C1QTNF3: variants seen among roughly 807,000 people sequenced by gnomAD.
C1QTNF3 encodes the protein C1q and TNF related 3.
In C1QTNF3, 26 loss-of-function variants were observed where a neutral mutation model predicts 32.6. The ratio of observed to expected loss-of-function variants is 0.80; its 90% CI spans 0.58 to 1.11. The LOEUF (loss-of-function observed/expected upper bound fraction) is 1.11, where lower values mean the gene tolerates loss of function less well. Among genes scored for constraint, C1QTNF3 ranks in the 50% least tolerant of loss-of-function variants. C1QTNF3 has a pLI of 0.00. For missense variants in C1QTNF3, 362 were observed against 398.2 expected (o/e 0.91, Z 0.77); for synonymous variants, 155 against 146.0 (o/e 1.06, Z -0.44).
Position 34,019,842 on chromosome 5 carries a change from T to C in C1QTNF3, c.*741A>G, listed in dbSNP as rs1248213701. The C allele has an allele frequency of 6.6e-6, 1 of 152,226 alleles. No homozygotes were observed. Among genetic ancestry groups the C allele is most frequent in the Non-Finnish European group, 1.5e-5 (1 of 68,042 alleles). The allele number at this position is 152,226 out of a possible 1,614,324, so 9.4% of individuals were successfully genotyped here. A position where few individuals can be genotyped will look rare whatever the true frequency, so the allele number is the denominator to read the frequency against. ...AGATATAAAATCCCTCTGGTCAACA[T>C]GCAACATTTGAATATCTATTGGCAC... is the stretch of plus-strand genomic sequence containing the variant. On this transcript the variant is annotated 3_prime_UTR_variant, in exon 6 of 6. Transcript: ENST00000382065.
chr5:34,080,479 T>C, the C1QTNF3 span, among the ~76,000 whole-genome samples: 1 of 151,742 alleles, frequency 6.6e-6, no homozygotes, highest in African/African-American at 2.4e-5. Flanking sequence ...AATATGTACC[T>C]GTTAAATCTT....
At chr5:34,103,313 T>C in the C1QTNF3 span, among the ~76,000 whole-genome samples, 1 of 152,160 alleles carries the variant, frequency 6.6e-6, no homozygotes, top group Admixed American at 6.5e-5. Context: ...TTCTACTTTT[T>C]AGAGAGAAAG....
At chr5:34,123,218 A>T in the C1QTNF3 span, among the ~76,000 whole-genome samples, 1 of 152,152 alleles carries the variant, frequency 6.6e-6, no homozygotes, top group Non-Finnish European at 1.5e-5. Flanking sequence ...CAGCAGAGCC[A>T]TGGGGGCAAG....
the C1QTNF3 span, among the ~76,000 whole-genome samples, chr5:34,119,511 T>C: frequency 6.6e-6 from 1 of 152,134 alleles, no homozygotes; most frequent in Non-Finnish European, 1.5e-5. Flanking sequence ...ATTGCAGCTA[T>C]AAGCACTTAC....
Position 34,035,773 on chromosome 5 carries a change from A to G in C1QTNF3, c.304-15T>C. 6.3e-7 allele frequency: 1 copy of G among 1,594,272 alleles called. No individual in the cohort carries two copies. Among genetic ancestry groups the G allele is most frequent in the Non-Finnish European group, 8.6e-7 (1 of 1,164,996 alleles). ...GTTTGTGGAGACTAAAAAGACAGAA[A>G]GAGAAGCTTCAGAAAAAAAGGTACT... On this transcript the variant is annotated splice_polypyrimidine_tract_variant and intron_variant, in intron 1 of 5. Transcript: ENST00000382065.
chr5:34,236,465 T>C, the C1QTNF3 span, among the ~76,000 whole-genome samples: 1 of 151,454 alleles, frequency 6.6e-6, no homozygotes, highest in African/African-American at 2.4e-5. Context: ...TAATGTTCTA[T>C]AAATGAGACA....
chr5:34,114,547 A>G, the C1QTNF3 span, among the ~76,000 whole-genome samples: 1 of 152,126 alleles, frequency 6.6e-6, no homozygotes, highest in South Asian at 2.1e-4. Context: ...TGTAAAGCCT[A>G]TATTTCATAT....
the C1QTNF3 span, among the ~76,000 whole-genome samples, chr5:34,074,408 A>T: frequency 1.3e-5 from 2 of 151,748 alleles, no homozygotes; most frequent in Non-Finnish European, 2.9e-5. Flanking sequence ...CAATTGTCTA[A>T]GCCACAAAAT....
chr5:34,173,200 T>C, the C1QTNF3 span, among the ~76,000 whole-genome samples: 2 of 152,144 alleles, frequency 1.3e-5, no homozygotes, highest in Non-Finnish European at 2.9e-5. Context: ...AAAACTTATA[T>C]TAGATTTCCG....
chr5:34,059,161 G>A, the C1QTNF3 span, among the ~76,000 whole-genome samples: 1 of 152,118 alleles, frequency 6.6e-6, no homozygotes, highest in Non-Finnish European at 1.5e-5. Context: ...TCACAGTTTT[G>A]GGGGCTGGGA....
the C1QTNF3 span, among the ~76,000 whole-genome samples, chr5:34,142,002 A>C: frequency 2.6e-5 from 4 of 152,090 alleles, no homozygotes; most frequent in African/African-American, 9.7e-5. Flanking sequence ...CTACACTCAG[A>C]ATAGGTGGGG....
At chr5:34,241,091 C>G in the C1QTNF3 span, among the ~76,000 whole-genome samples, 29 of 147,432 alleles carry the variant, frequency 2.0e-4, no homozygotes, top group African/African-American at 7.0e-4. Context: ...AAAAACAAAA[C>G]AAAAAAAAAA....
chr5:34,204,082 TA>T, the C1QTNF3 span, among the ~76,000 whole-genome samples: 3 of 152,134 alleles, frequency 2.0e-5, no homozygotes, highest in Non-Finnish European at 4.4e-5. Context: ...TGGGAGACTT[TA>T]CCATCTCACT....
Position 34,035,686 on chromosome 5 carries a change from G to A in C1QTNF3, c.376C>T (p.Gln126Ter). ...CHGDYSFRGYQGPPGPPGPPG... is the reference protein window; with the variant it reads ...CHGDYSFRGY ...GGGCCCGGTGGCCCAGGGGGGCCTT[G>A]GTAGCCTCGAAAGCTGTAGTCTCCA... The change falls in exon 2 of 6, where the codon CAA (glutamine) becomes TAA (stop). Residue 126 changes from glutamine to a stop codon, truncating the protein, a stop_gained. Transcript: ENST00000382065. LOFTEE classifies it high-confidence loss of function. The A allele has an allele frequency of 6.2e-7, 1 of 1,611,690 alleles. No homozygotes were observed. The highest frequency in any genetic ancestry group is 8.5e-7 in the Non-Finnish European group (1 of 1,179,290).
the C1QTNF3 span, among the ~76,000 whole-genome samples, chr5:34,176,618 C>G: frequency 6.6e-6 from 1 of 152,168 alleles, no homozygotes; most frequent in Admixed American, 6.5e-5. Context: ...TGTGCTGGCT[C>G]ATGTCTGTCA....
At chr5:34,207,851 G>A in the C1QTNF3 span, among the ~76,000 whole-genome samples, 2 of 151,948 alleles carry the variant, frequency 1.3e-5, no homozygotes, top group African/African-American at 4.8e-5. Context: ...GCAGTGGCGG[G>A]ATCTCAGCTT....
chr5:34,141,165 G>T, the C1QTNF3 span, among the ~76,000 whole-genome samples: 1 of 151,998 alleles, frequency 6.6e-6, no homozygotes, highest in Non-Finnish European at 1.5e-5. Flanking sequence ...TGTCGCCCAG[G>T]CTGGAGTGCA....
At chr5:34,195,789 G>A in the C1QTNF3 span, among the ~76,000 whole-genome samples, 2 of 151,966 alleles carry the variant, frequency 1.3e-5, no homozygotes, top group South Asian at 2.1e-4. Context: ...GTAGAGAGCC[G>A]AGATTGTGCC....
the C1QTNF3 span, among the ~76,000 whole-genome samples, chr5:34,136,691 C>T: frequency 8.0e-3 from 1,131 of 141,108 alleles, 13 homozygotes; most frequent in African/African-American, 0.026. Flanking sequence ...TATAAAGACA[C>T]GTGCACACAT....
Sources: gnomAD v4.1 joint callset for allele counts (sites outside exome capture counted in the v4.1 genomes callset) on GRCh38, gnomAD v4.1.1 for gene constraint, MANE v1.5 for transcripts, NCBI Gene and HGNC (gene_info 2026-07-23, HGNC 2026-07-21) for gene names.